Variants in LRP1 observed in about 807,000 individuals in gnomAD.
The protein encoded by LRP1 is LDL receptor related protein 1, also known as prolow-density lipoprotein receptor-related protein 1.
In LRP1, 51 loss-of-function variants were observed where a neutral mutation model predicts 541.5. The observed-to-expected ratio is 0.09, with a 90% confidence interval of 0.08 to 0.12. The LOEUF is 0.12. Ranked by LOEUF, LRP1 falls within the 10% of genes least tolerant of loss-of-function variation. The probability of loss-of-function intolerance (pLI) is 1.00; values close to 1 mark genes in which losing one functional copy is unlikely to be tolerated. For synonymous variants in LRP1, 2,219 were observed against 2,470.8 expected (o/e 0.90, Z 3.02); for missense variants, 3,878 against 6,376.2 (o/e 0.61, Z 13.34).
At chr12:57,194,315 G>A (rs1475665245) in intron 48 of LRP1, 39 bp from the exon 49 acceptor site, 1 of 1,504,846 alleles carries the variant, frequency 6.6e-7, no homozygotes, top group South Asian at 1.3e-5. Flanking sequence ...GGGTGATCCA[G>A]GGGGAACCAG....
intron 1 of LRP1, among the ~76,000 whole-genome samples, chr12:57,136,649 G>C (rs1351400568): frequency 2.0e-5 from 3 of 152,184 alleles, no homozygotes; most frequent in African/African-American, 7.2e-5. Flanking sequence ...AGCCTTGGGT[G>C]GGGGAGAAGG....
intron 3 of LRP1, 109 bp from the exon 4 acceptor site, chr12:57,143,570 C>G: frequency 1.5e-6 from 2 of 1,339,904 alleles, no homozygotes; most frequent in Non-Finnish European, 2.1e-6. Flanking sequence ...GACACTGCAG[C>G]CCTTAGAAGT....
chr12:57,196,064 C>T, intron 54 of LRP1, 23 bp from the exon 55 acceptor site: 1 of 1,610,134 alleles, frequency 6.2e-7, no homozygotes, highest in Middle Eastern at 1.7e-4. Flanking sequence ...CCCCGCTGAC[C>T]TGCCGCCTCC....
chr12:57,194,335 T>G lies in LRP1; in HGVS notation c.7919-19T>G, dbSNP rs369709210. 2.7e-6 allele frequency: 4 copies of G among 1,508,264 alleles called. No individual in the cohort carries two copies. The African/African-American group carries it at 5.6e-5, about 21-fold the overall frequency. The allele number at this position is 1,508,264 out of a possible 1,614,324, so 93.4% of individuals were successfully genotyped here. ...ATCCAGGGGGAACCAGGTATCACCC[T>G]CACCCCTGCCCCCACCAGGTGCCAC... On this transcript the variant is annotated intron_variant, in intron 48 of 88. Transcript: ENST00000243077.
At position 57,189,064 on chromosome 12, in the gene LRP1, C is replaced by G. The variant is rs1009338869; in HGVS notation, c.7031+1608C>G. On this transcript the variant is annotated intron_variant, in intron 42 of 88. Coordinates refer to ENST00000243077, the MANE Select transcript of LRP1 (RefSeq NM_002332.3). The surrounding 1 kb of genome is among the most constrained non-coding windows in gnomAD (Gnocchi z 4.4). ...CTCCTGAGCCCTCCCCGCGTCAGCA[C>G]TGGAGCACTGATGGCCCTGTAGAGC... 6.6e-6 allele frequency among the ~76,000 whole-genome samples: 1 copy of G among 152,218 alleles called. No individual in the cohort carries two copies. The highest frequency in any genetic ancestry group is 1.5e-5 in the Non-Finnish European group (1 of 68,030).
intron 42 of LRP1, 135 bp from the exon 43 acceptor site, chr12:57,190,670 T>G: frequency 7.1e-6 from 5 of 706,638 alleles, no homozygotes; most frequent in South Asian, 5.1e-5. Context: ...ATTGGGGCAC[T>G]GCTGGCCTCT....
chr12:57,208,844 C>G (rs371748654), intron 78 of LRP1, 27 bp downstream of exon 78: 2 of 1,579,344 alleles, frequency 1.3e-6, no homozygotes, highest in South Asian at 2.2e-5. Flanking sequence ...GCAGGAGGGA[C>G]GGGCATGGAG....
rs776654251 is a variant in LRP1, at chr12:57,185,619, C to T, written c.6552C>T (p.His2184=). Residue 2184 remains histidine, a synonymous_variant, in exon 41 of 89, where the codon CAC becomes CAT. Coordinates refer to ENST00000243077, the MANE Select transcript of LRP1 (RefSeq NM_002332.3). This position sits in a 1 kb window ranked among gnomAD's most constrained non-coding sequence, Gnocchi z 4.9. ...GRGQRACACA[H]GMLAEDGASC... ...GGCAGCGGGCCTGCGCCTGTGCCCACGGGATGCTGGCTGAAGACGGAGCAT... is the reference window on the plus strand; with the variant it reads ...GGCAGCGGGCCTGCGCCTGTGCCCATGGGATGCTGGCTGAAGACGGAGCAT... 38 of 1,610,932 alleles carry T rather than the reference C, an allele frequency of 2.4e-5. No individual in the cohort carries two copies. Among genetic ancestry groups the T allele is most frequent in the Admixed American group, 1.3e-4 (8 of 59,986 alleles).
chr12:57,156,746 G>A lies in LRP1; in HGVS notation c.1418-31G>A, dbSNP rs1216588713. 1.3e-6 allele frequency: 2 copies of A among 1,578,994 alleles called. No homozygotes were observed. Among genetic ancestry groups the A allele is most frequent in the South Asian group, 1.1e-5 (1 of 88,714 alleles). Reference sequence around the variant, plus strand: ...CAAGGCCTGGCACAGGGGCTCTGAGGGGTCCTAACAGCTCTTCACCCTGCC... The same window carrying A: ...CAAGGCCTGGCACAGGGGCTCTGAGAGGTCCTAACAGCTCTTCACCCTGCC... On this transcript the variant is annotated intron_variant, in intron 9 of 88. Transcript: ENST00000243077. This position sits in a 1 kb window ranked among gnomAD's most constrained non-coding sequence, Gnocchi z 5.2.
At position 57,161,094 on chromosome 12, in the gene LRP1, G is replaced by A; in HGVS notation, c.2181G>A (p.Leu727=). 1.9e-6 allele frequency: 3 copies of A among 1,613,444 alleles called. No individual in the cohort carries two copies. The highest frequency in any genetic ancestry group is 2.5e-6 in the Non-Finnish European group (3 of 1,180,026). ...DAFYDRIETI[L]LNGTDRKIVY... is the part of the protein sequence containing the mutation. ...TCTACGACCGCATCGAGACGATACT[G>A]CTCAATGGCACAGACCGGAAGGTGG... Residue 727 remains leucine, a synonymous_variant, in exon 13 of 89, where the codon CTG becomes CTA. Coordinates refer to ENST00000243077, the MANE Select transcript of LRP1 (RefSeq NM_002332.3).
At chr12:57,140,633 C>T (rs904840880) in intron 2 of LRP1, among the ~76,000 whole-genome samples, 4 of 152,206 alleles carry the variant, frequency 2.6e-5, no homozygotes, top group South Asian at 2.1e-4. Context: ...CCACTCTTGG[C>T]CCTGGGTTCT....
At chr12:57,149,038 G>A in intron 6 of LRP1, 1 of 644,532 alleles carries the variant, frequency 1.6e-6, no homozygotes, top group Non-Finnish European at 2.8e-6. Flanking sequence ...TAGAGGGGAG[G>A]CAAAGAAGGG....
Position 57,173,698 on chromosome 12 carries a change from A to G in LRP1, c.3347-82A>G, listed in dbSNP as rs1286042054. 2.1e-6 allele frequency: 3 copies of G among 1,442,152 alleles called. No individual in the cohort carries two copies. The highest frequency in any genetic ancestry group is 2.9e-6 in the Non-Finnish European group (3 of 1,026,984). The allele number at this position is 1,442,152 out of a possible 1,614,324, so 89.3% of individuals were successfully genotyped here. ...AGCGTTGCAATCCTGACCCTATTAG[A>G]GAAGCCCACAGGGTCTGGAAGGAAG... On this transcript the variant is annotated intron_variant, in intron 21 of 88. Transcript: ENST00000243077. The surrounding 1 kb of genome is among the most constrained non-coding windows in gnomAD (Gnocchi z 4.7).
In LRP1 at chr12:57,206,620, G is replaced by T; in HGVS notation, c.11738G>T (p.Arg3913Leu). The T allele has an allele frequency of 6.2e-7, 1 of 1,614,166 alleles. No homozygotes were observed. The highest frequency in any genetic ancestry group is 8.5e-7 in the Non-Finnish European group (1 of 1,180,052). Residue 3913 changes from arginine (R) to leucine (L), a missense_variant, in exon 76 of 89, where the codon CGT (arginine) becomes CTT (leucine). Arg to Leu is a moderately radical substitution (Grantham distance 102). Around this residue, in one of 13 missense-constraint regions of LRP1, gnomAD observed 871 missense variants for 1,212.4 expected, o/e 0.72. Coordinates refer to ENST00000243077, the MANE Select transcript of LRP1 (RefSeq NM_002332.3). This position sits in a 1 kb window ranked among gnomAD's most constrained non-coding sequence, Gnocchi z 4.7. ...DAMDVHVKAG[R>L]VYWTNWHTGT... is the part of the protein sequence containing the mutation. Reference sequence around the variant, plus strand: ...ATGGATGTCCATGTCAAGGCTGGCCGTGTCTATTGGACCAACTGGCACACG... The same window carrying T: ...ATGGATGTCCATGTCAAGGCTGGCCTTGTCTATTGGACCAACTGGCACACG...
At chr12:57,176,139 A>G (rs2136699104) in intron 24 of LRP1, 33 bp downstream of exon 24, 1 of 1,610,980 alleles carries the variant, frequency 6.2e-7, no homozygotes, top group East Asian at 2.2e-5. Flanking sequence ...CAGGATGCAC[A>G]CAGGCGGAGC....
intron 19 of LRP1, among the ~76,000 whole-genome samples, 188 bp from the exon 20 acceptor site, chr12:57,168,952 G>A (rs1295188277): frequency 6.6e-6 from 1 of 150,606 alleles, no homozygotes; most frequent in African/African-American, 2.4e-5. Flanking sequence ...TCCTCATCCT[G>A]ACCACGTGGG....
chr12:57,194,975 AC>A lies in LRP1; in HGVS notation c.8192-9del, dbSNP rs1592650759. 1 of 1,607,592 alleles carries A rather than the reference AC, an allele frequency of 6.2e-7. No individual in the cohort carries two copies. Among genetic ancestry groups the A allele is most frequent in the East Asian group, 2.2e-5 (1 of 44,696 alleles). Reference sequence around the variant, plus strand: ...CTTCCCCATCTAACTGTGGCTTCTGACTGCCCCAGACAAGTTCTGCTCAGAG... The same window carrying A: ...CTTCCCCATCTAACTGTGGCTTCTGATGCCCCAGACAAGTTCTGCTCAGAG... On this transcript the variant is annotated splice_polypyrimidine_tract_variant and intron_variant, in intron 50 of 88. Coordinates refer to ENST00000243077, the MANE Select transcript of LRP1 (RefSeq NM_002332.3).
intron 46 of LRP1, 62 bp downstream of exon 46, chr12:57,193,366 G>C: frequency 3.1e-6 from 5 of 1,591,042 alleles, no homozygotes; most frequent in Non-Finnish European, 4.3e-6. Flanking sequence ...TCCTCCCCCA[G>C]GCCCCTGCAG....
chr12:57,207,102 G>A (rs988158144), intron 76 of LRP1, among the ~76,000 whole-genome samples: 1 of 152,054 alleles, frequency 6.6e-6, no homozygotes, highest in African/African-American at 2.4e-5. Flanking sequence ...AATTAGCCGG[G>A]CATGGTGGCG....
Sources: gnomAD v4.1 joint callset for allele counts (sites outside exome capture counted in the v4.1 genomes callset) on GRCh38, gnomAD v4.1.1 for gene constraint, gnomAD v4.1.1 regional missense constraint, Gnocchi (gnomAD v3.1) non-coding constraint, MANE v1.5 for transcripts, NCBI Gene and HGNC (gene_info 2026-07-23, HGNC 2026-07-21) for gene names.